Variants in LRRC72 observed in about 807,000 individuals in gnomAD.
The protein encoded by LRRC72 is leucine rich repeat containing 72.
LRRC72 carries 41 observed loss-of-function variants against 35.8 expected under a neutral mutation model. The ratio of observed to expected loss-of-function variants is 1.15; its 90% CI spans 0.89 to 1.49. The LOEUF is 1.49. Ranked by LOEUF, LRRC72 falls within the 40% of genes most tolerant of loss-of-function variation. LRRC72 has a pLI of 0.00. For missense variants in LRRC72, 389 were observed against 330.7 expected, an observed-to-expected ratio of 1.18 and a Z score of -1.37; for synonymous variants, 118 against 119.2, an observed-to-expected ratio of 0.99 and a Z score of 0.07.
At chr7:16,573,698 C>T (rs534377963) in intron 7 of LRRC72, among the ~76,000 whole-genome samples, 26 of 152,214 alleles carry the variant, frequency 1.7e-4, no homozygotes, top group African/African-American at 5.8e-4. Context: ...AACCATAAAA[C>T]CCTAAAAGAA....
intron 1 of LRRC72, 57 bp from the exon 2 acceptor site, chr7:16,532,438 G>T (rs1356718151): frequency 2.4e-6 from 3 of 1,245,774 alleles, no homozygotes; most frequent in Non-Finnish European, 3.5e-6. Flanking sequence ...GACTGCAAGT[G>T]CCTCAGCACT....
At chr7:16,547,609 C>T (rs1027978039) in intron 3 of LRRC72, among the ~76,000 whole-genome samples, 4 of 152,244 alleles carry the variant, frequency 2.6e-5, no homozygotes, top group African/African-American at 9.6e-5. Context: ...CTTCTCCCTG[C>T]TGTCAGCACC....
intron 2 of LRRC72, among the ~76,000 whole-genome samples, chr7:16,534,264 A>T (rs1407197658): frequency 6.6e-6 from 1 of 152,206 alleles, no homozygotes; most frequent in Non-Finnish European, 1.5e-5. Flanking sequence ...AGTCATAGCC[A>T]TCATTAGTAG....
intron 3 of LRRC72, among the ~76,000 whole-genome samples, chr7:16,550,295 T>A (rs1782526983): frequency 6.6e-6 from 1 of 152,200 alleles, no homozygotes; most frequent in Non-Finnish European, 1.5e-5. Flanking sequence ...GCTAATAACA[T>A]ACGGCAAATC....
intron 3 of LRRC72, among the ~76,000 whole-genome samples, chr7:16,551,708 C>T (rs894499646): frequency 6.6e-6 from 1 of 152,072 alleles, no homozygotes; most frequent in Non-Finnish European, 1.5e-5. Context: ...CTCTGCATCC[C>T]TTCCCCCATA....
intron 5 of LRRC72, among the ~76,000 whole-genome samples, chr7:16,565,843 G>A (rs771401717): frequency 6.6e-6 from 1 of 152,204 alleles, no homozygotes; most frequent in Non-Finnish European, 1.5e-5. Flanking sequence ...TGGTGTGGAG[G>A]AAGTAAGTTC....
chr7:16,566,564 C>T (rs1205459272), intron 6 of LRRC72, among the ~76,000 whole-genome samples, 162 bp downstream of exon 6: 5 of 152,136 alleles, frequency 3.3e-5, no homozygotes, highest in African/African-American at 9.7e-5. Flanking sequence ...TTTTGAAAGA[C>T]TTGCTCTCTA....
At chr7:16,527,091 C>A in intron 1 of LRRC72, 49 bp downstream of exon 1, 8 of 1,454,816 alleles carry the variant, frequency 5.5e-6, no homozygotes, top group Non-Finnish European at 7.5e-6. Context: ...GGCCCCCTGC[C>A]CCAGGGCCCC....
chr7:16,531,694 C>T (rs1475478270), intron 1 of LRRC72, among the ~76,000 whole-genome samples: 1 of 152,096 alleles, frequency 6.6e-6, no homozygotes, highest in African/African-American at 2.4e-5. Context: ...TCTACTTTCT[C>T]ATGGAAAATT....
chr7:16,552,810 G>A (rs979004956), intron 3 of LRRC72, among the ~76,000 whole-genome samples: 1 of 152,118 alleles, frequency 6.6e-6, no homozygotes, highest in African/African-American at 2.4e-5. Context: ...AATGAGCTGC[G>A]CTGGACAGTT....
intron 4 of LRRC72, among the ~76,000 whole-genome samples, chr7:16,558,568 C>T (rs936171649): frequency 5.3e-5 from 8 of 152,118 alleles, no homozygotes; most frequent in African/African-American, 1.9e-4. Flanking sequence ...CGAGATTGTG[C>T]CATTGCACTC....
chr7:16,544,100 C>T (rs1418481361), intron 3 of LRRC72, among the ~76,000 whole-genome samples: 1 of 152,164 alleles, frequency 6.6e-6, no homozygotes, highest in Admixed American at 6.5e-5. Context: ...AGTGGCTCTG[C>T]TCCTAGCAAG....
intron 3 of LRRC72, among the ~76,000 whole-genome samples, chr7:16,553,998 A>T (rs1782602306): frequency 6.6e-6 from 1 of 152,200 alleles, no homozygotes; most frequent in Non-Finnish European, 1.5e-5. Context: ...CAATCCTGGG[A>T]ATCAGTAATA....
At chr7:16,545,320 T>C (rs1782426729) in intron 3 of LRRC72, among the ~76,000 whole-genome samples, 1 of 152,232 alleles carries the variant, frequency 6.6e-6, no homozygotes, top group Non-Finnish European at 1.5e-5. Context: ...GGAAGGAATA[T>C]TGGTTTATAA....
At chr7:16,554,741 A>C (rs1782619890) in intron 3 of LRRC72, among the ~76,000 whole-genome samples, 1 of 152,168 alleles carries the variant, frequency 6.6e-6, no homozygotes. Context: ...CCGCAATCCT[A>C]TAATCCCTAT....
At chr7:16,574,379 G>A (rs1783001322) in intron 7 of LRRC72, among the ~76,000 whole-genome samples, 1 of 152,148 alleles carries the variant, frequency 6.6e-6, no homozygotes. Flanking sequence ...ATTTACAATA[G>A]CAGAGACTTG....
intron 3 of LRRC72, among the ~76,000 whole-genome samples, chr7:16,556,855 G>A (rs1012751512): frequency 2.6e-5 from 4 of 152,164 alleles, no homozygotes; most frequent in Admixed American, 1.3e-4. Flanking sequence ...CTTGCTGGCC[G>A]ACAGCTAATC....
chr7:16,558,860 A>G (rs1422299699), intron 4 of LRRC72, 29 bp from the exon 5 acceptor site: 1 of 1,309,744 alleles, frequency 7.6e-7, no homozygotes, highest in Non-Finnish European at 1.0e-6. Flanking sequence ...AATGTTTAAA[A>G]TCTTGTAAAA....
chr7:16,559,798 T>C (rs926740648), intron 5 of LRRC72, among the ~76,000 whole-genome samples: 24 of 152,132 alleles, frequency 1.6e-4, no homozygotes, highest in Admixed American at 1.5e-3. Flanking sequence ...TTGCATAACT[T>C]TGTGAATAAA....
Sources: allele counts gnomAD v4.1 joint callset (sites outside exome capture counted in the v4.1 genomes callset), GRCh38; gene constraint gnomAD v4.1.1; transcripts MANE v1.5; gene names NCBI Gene and HGNC (gene_info 2026-07-23, HGNC 2026-07-21).